PIK3C2G: variants seen among roughly 807,000 people sequenced by gnomAD.
PIK3C2G encodes the protein phosphatidylinositol-4-phosphate 3-kinase catalytic subunit type 2 gamma, also known as phosphatidylinositol 3-kinase C2 domain-containing subunit gamma.
A neutral mutation model predicts 181.1 loss-of-function variants in PIK3C2G; 168 were observed. The observed-to-expected ratio is 0.93, with a 90% CI of 0.82 to 1.05. The LOEUF (loss-of-function observed/expected upper bound fraction) is 1.05. PIK3C2G is among the 50% of genes least tolerant of loss of function. The probability of loss-of-function intolerance (pLI) is 0.00; values close to 1 mark genes in which losing one functional copy is unlikely to be tolerated. For synonymous variants in PIK3C2G, 573 were observed against 592.2 expected (o/e 0.97, Z 0.47); for missense variants, 1,869 against 1,732.8 (o/e 1.08, Z -1.40).
intron 18 of PIK3C2G, among the ~76,000 whole-genome samples, chr12:18,455,896 T>C (rs1565742314): frequency 6.6e-6 from 1 of 152,170 alleles, no homozygotes; most frequent in Admixed American, 6.6e-5. Context: ...GCATTCATTA[T>C]ATCCTTTAAA....
At chr12:18,280,731 A>G (rs1206848517) in intron 1 of PIK3C2G, among the ~76,000 whole-genome samples, 2 of 152,064 alleles carry the variant, frequency 1.3e-5, no homozygotes, top group Non-Finnish European at 2.9e-5. Flanking sequence ...AATAAAACAT[A>G]CATAATTGGA....
intron 18 of PIK3C2G, among the ~76,000 whole-genome samples, chr12:18,445,655 G>GT (rs1464024067): frequency 3.9e-5 from 6 of 151,936 alleles, no homozygotes; most frequent in Non-Finnish European, 5.9e-5. Flanking sequence ...AGTTTTGGTG[G>GT]TAAAAAAAAT....
chr12:18,722,783 A>T, the PIK3C2G span, among the ~76,000 whole-genome samples: 1 of 152,208 alleles, frequency 6.6e-6, no homozygotes, highest in East Asian at 1.9e-4. Context: ...ATGAAGAACA[A>T]GCGAAAAGTA....
chr12:18,419,221 A>G (rs1945341915), intron 16 of PIK3C2G, among the ~76,000 whole-genome samples: 1 of 152,192 alleles, frequency 6.6e-6, no homozygotes, highest in African/African-American at 2.4e-5. Flanking sequence ...AAGATATAGC[A>G]TTCACCAAAG....
At chr12:18,633,078 A>T (rs1449172579) in intron 31 of PIK3C2G, among the ~76,000 whole-genome samples, 1 of 152,198 alleles carries the variant, frequency 6.6e-6, no homozygotes. Context: ...GCCAAACATG[A>T]TACAACTGTG....
the PIK3C2G span, among the ~76,000 whole-genome samples, chr12:18,721,953 T>C: frequency 3.9e-5 from 6 of 152,032 alleles, no homozygotes; most frequent in Non-Finnish European, 4.4e-5. Flanking sequence ...TAAGAACCTA[T>C]ATGGTTTGAT....
chr12:18,301,808 T>C (rs1400888860), intron 5 of PIK3C2G, among the ~76,000 whole-genome samples: 5 of 152,224 alleles, frequency 3.3e-5, no homozygotes, highest in Non-Finnish European at 7.3e-5. Flanking sequence ...ACACAAAATA[T>C]ATATGCTATT....
At chr12:18,590,686 A>C (rs1234789732) in intron 29 of PIK3C2G, among the ~76,000 whole-genome samples, 1 of 151,940 alleles carries the variant, frequency 6.6e-6, no homozygotes, top group Admixed American at 6.6e-5. Flanking sequence ...CATATAAGCA[A>C]AGTCAAGTCT....
At chr12:18,428,337 A>T (rs1402403533) in intron 18 of PIK3C2G, among the ~76,000 whole-genome samples, 1 of 113,004 alleles carries the variant, frequency 8.8e-6, no homozygotes, top group African/African-American at 3.4e-5. Flanking sequence ...GTCTTATTTA[A>T]AAAAAAAAAA....
chr12:18,284,994 G>T (rs904341140), intron 2 of PIK3C2G, among the ~76,000 whole-genome samples: 2 of 152,042 alleles, frequency 1.3e-5, no homozygotes, highest in Non-Finnish European at 2.9e-5. Flanking sequence ...AAATTTGATA[G>T]AAAATATCAA....
intron 18 of PIK3C2G, among the ~76,000 whole-genome samples, chr12:18,471,716 C>CA (rs1938478007): frequency 6.6e-6 from 1 of 151,878 alleles, no homozygotes; most frequent in Admixed American, 6.6e-5. Context: ...TTTTCTGTAC[C>CA]AAAAAAATTT....
intron 11 of PIK3C2G, among the ~76,000 whole-genome samples, chr12:18,349,429 T>C (rs1380507447): frequency 5.9e-5 from 9 of 152,058 alleles, no homozygotes; most frequent in African/African-American, 1.9e-4. Flanking sequence ...TAAAAAAGAG[T>C]GAAACATTCA....
intron 32 of PIK3C2G, among the ~76,000 whole-genome samples, chr12:18,642,739 T>G (rs529416319): frequency 6.6e-6 from 1 of 151,980 alleles, no homozygotes; most frequent in African/African-American, 2.4e-5. Context: ...CTTAGTTACC[T>G]CTAAAATGAT....
At chr12:18,501,060 G>A (rs563442360) in intron 22 of PIK3C2G, among the ~76,000 whole-genome samples, 229 of 151,460 alleles carry the variant, frequency 1.5e-3, no homozygotes, top group African/African-American at 5.3e-3. Context: ...GAACACATCC[G>A]AACATCAGAA....
chr12:18,279,922 T>C (rs1192003477), intron 1 of PIK3C2G, among the ~76,000 whole-genome samples: 1 of 152,080 alleles, frequency 6.6e-6, no homozygotes, highest in Non-Finnish European at 1.5e-5. Flanking sequence ...GTATAATAAA[T>C]CTAATTCATT....
rs17847807 is a variant in PIK3C2G, at chr12:18,566,949, G to A, written c.3903G>A (p.Glu1301=). ...QKQFASLTLP[E]FPHWWHLPFT... ...ATAACTTTTTTTTCTCTTAAAACAG[G>A]TTTCCTCATTGGTGGCACCTACCTT... is the stretch of plus-strand genomic sequence containing the variant. Residue 1301 remains glutamate, a splice_region_variant and synonymous_variant, in exon 29 of 33, where the codon GAG becomes GAA. Transcript: ENST00000538779. The A allele has an allele frequency of 6.5e-7, 1 of 1,537,770 alleles. No homozygotes were observed. The highest frequency in any genetic ancestry group is 1.1e-5 in the South Asian group (1 of 87,516).
the PIK3C2G span, among the ~76,000 whole-genome samples, chr12:18,677,226 A>T: frequency 7.9e-5 from 12 of 152,102 alleles, no homozygotes; most frequent in African/African-American, 2.9e-4. Flanking sequence ...ATATGTGAGC[A>T]CTTTAAATCC....
intron 24 of PIK3C2G, among the ~76,000 whole-genome samples, chr12:18,525,117 C>G (rs1943149324): frequency 6.6e-6 from 1 of 151,434 alleles, no homozygotes; most frequent in South Asian, 2.1e-4. Flanking sequence ...TGGGCCAGAC[C>G]TGATGGCTCA....
chr12:18,548,912 A>G (rs963437930), intron 26 of PIK3C2G, among the ~76,000 whole-genome samples: 1 of 151,978 alleles, frequency 6.6e-6, no homozygotes, highest in Admixed American at 6.6e-5. Flanking sequence ...CCCTGTCTCC[A>G]TTATTCCACA....
Sources: gnomAD v4.1 joint callset for allele counts (sites outside exome capture counted in the v4.1 genomes callset) on GRCh38, gnomAD v4.1.1 for gene constraint, MANE v1.5 for transcripts, NCBI Gene and HGNC (gene_info 2026-07-23, HGNC 2026-07-21) for gene names.